The following IFT74 variants were observed in gnomAD, a reference collection of about 807,000 sequenced individuals.
The protein encoded by IFT74 is intraflagellar transport protein 74 homolog.
IFT74 carries 92 observed loss-of-function variants against 96.7 expected under a neutral mutation model. That is an observed-to-expected ratio of 0.95 (90% confidence interval 0.80 to 1.13). IFT74 has a LOEUF of 1.13. Ranked by LOEUF, IFT74 falls within the 50% of genes most tolerant of loss-of-function variation. The probability of loss-of-function intolerance (pLI) is 0.00; values close to 1 mark genes in which losing one functional copy is unlikely to be tolerated. For missense variants in IFT74, 811 were observed against 698.2 expected (o/e 1.16, Z -1.82); for synonymous variants, 223 against 213.2 (o/e 1.05, Z -0.40).
At position 26,968,833 on chromosome 9, in the gene IFT74, T is replaced by G. The variant is rs115481669; in HGVS notation, c.120+6746T>G. ...TTCATTAGTTAGTCTGGCTAAAAGT[T>G]TGTTGATTTTGTTTATCTTTTCAAA... On this transcript the variant is annotated intron_variant, in intron 2 of 19. Coordinates refer to ENST00000380062, the MANE Select transcript of IFT74 (RefSeq NM_025103.4). 2.4e-3 allele frequency among the ~76,000 whole-genome samples: 370 copies of G among 152,246 alleles called. 1 individual carries two copies. The highest frequency in any genetic ancestry group is 7.7e-3 in the African/African-American group (320 of 41,570).
chr9:26,953,841 C>T (rs1030585656), upstream of IFT74, among the ~76,000 whole-genome samples: 1 of 152,166 alleles, frequency 6.6e-6, no homozygotes, highest in Non-Finnish European at 1.5e-5. Flanking sequence ...AACCTACAAA[C>T]ATCCTACAAA....
At chr9:27,040,398 A>G (rs1819418588) in intron 13 of IFT74, among the ~76,000 whole-genome samples, 1 of 152,028 alleles carries the variant, frequency 6.6e-6, no homozygotes, top group Admixed American at 6.6e-5. Context: ...TAAAAACAAA[A>G]ATTAGCTGGG....
intron 10 of IFT74, among the ~76,000 whole-genome samples, chr9:27,012,842 G>C (rs960267462): frequency 4.0e-5 from 6 of 148,644 alleles, no homozygotes; most frequent in African/African-American, 1.5e-4. Context: ...TCAGCCTCCA[G>C]AGTAGCTGGG....
chr9:26,995,583 C>G (rs1441434523), intron 8 of IFT74: 2 of 1,601,360 alleles, frequency 1.2e-6, no homozygotes, highest in African/African-American at 1.3e-5. Context: ...CCATCATCAT[C>G]TACCACAAAT....
At chr9:27,006,662 G>GGGGAAGGAGGAGGAGGAGGAA (rs1828796328) in intron 8 of IFT74, among the ~76,000 whole-genome samples, 1 of 148,600 alleles carries the variant, frequency 6.7e-6, no homozygotes, top group Non-Finnish European at 1.5e-5. Flanking sequence ...AGGAGGGGGA[G>GGGGAAGGAGGAGGAGGAGGAA]GGGAAGGAGG....
At position 27,016,923 on chromosome 9, in the gene IFT74, A is replaced by C. The variant is rs758690046; in HGVS notation, c.806A>C (p.Gln269Pro). The change falls in exon 11 of 20, where the codon CAG becomes CCG. Residue 269 changes from glutamine to proline, a missense_variant. By Grantham distance (76) the Gln-to-Pro change is moderately conservative (BLOSUM62 -1). Coordinates refer to ENST00000380062, the MANE Select transcript of IFT74 (RefSeq NM_025103.4). The stretch of plus-strand genomic sequence containing the variant: ...TTCCTTTAGGAAATAGCTCACTCCC[A>C]GGTGAAACAGGAGGCGGTATTGCTG... ...ESLEAEIAHS[Q>P]VKQEAVLLHE... The C allele has an allele frequency of 6.2e-7, 1 of 1,605,566 alleles. No individual in the cohort carries two copies. Among genetic ancestry groups the C allele is most frequent in the Admixed American group, 1.7e-5 (1 of 58,604 alleles).
chr9:27,046,188 T>C (rs1819696441), intron 14 of IFT74, among the ~76,000 whole-genome samples: 2 of 152,198 alleles, frequency 1.3e-5, no homozygotes, highest in South Asian at 4.1e-4. Flanking sequence ...ATCAACAGAT[T>C]ATAGAAGCAG....
At chr9:27,052,655 G>A (rs1819982976) in intron 16 of IFT74, among the ~76,000 whole-genome samples, 2 of 152,086 alleles carry the variant, frequency 1.3e-5, no homozygotes, top group East Asian at 3.9e-4. Context: ...CTTTGTAAGG[G>A]TTAAATTCTT....
At chr9:27,023,849 G>A (rs1587371736) in intron 12 of IFT74, among the ~76,000 whole-genome samples, 1 of 152,092 alleles carries the variant, frequency 6.6e-6, no homozygotes, top group Non-Finnish European at 1.5e-5. Context: ...GCTGAGACAC[G>A]CCTAACCCTG....
chr9:27,006,401 C>G (rs912266704), intron 8 of IFT74, among the ~76,000 whole-genome samples: 2 of 152,026 alleles, frequency 1.3e-5, no homozygotes, highest in African/African-American at 4.8e-5. Context: ...AATTTGAGAC[C>G]AGCCCGGCCA....
chr9:27,008,595 G>A (rs992418378), intron 8 of IFT74, among the ~76,000 whole-genome samples: 1 of 152,036 alleles, frequency 6.6e-6, no homozygotes, highest in Admixed American at 6.6e-5. Flanking sequence ...CCAGACCTCA[G>A]GTGATCCACC....
chr9:26,947,166 C>T lies in IFT74; in HGVS notation c.-20+20C>T, dbSNP rs866369788. Reference sequence around the variant, plus strand: ...CTGCAGGTAAGGGGCGGCCGGAGACCGGAAGAGCCCGAGAGCCGGTACGGA... The same window carrying T: ...CTGCAGGTAAGGGGCGGCCGGAGACTGGAAGAGCCCGAGAGCCGGTACGGA... On this transcript the variant is annotated intron_variant, in intron 1 of 19. Transcript: ENST00000433700. The T allele has an allele frequency of 2.2e-5, 26 of 1,194,950 alleles. No homozygotes were observed. The South Asian group carries it at 4.3e-4, about 20-fold the overall frequency. The allele number at this position is 1,194,950 out of a possible 1,614,324, so 74.0% of individuals were successfully genotyped here.
At chr9:26,962,718 A>T (rs1302816076) in intron 2 of IFT74, among the ~76,000 whole-genome samples, 3 of 152,222 alleles carry the variant, frequency 2.0e-5, no homozygotes, top group Admixed American at 6.5e-5. Context: ...AATGTTGGCA[A>T]GTATTCTGTA....
In IFT74 at chr9:27,062,871, CT is replaced by C; in HGVS notation, c.*139del. 1 of 597,336 alleles carries C rather than the reference CT, an allele frequency of 1.7e-6. No homozygotes were observed. The allele number at this position is 597,336 out of a possible 1,614,324, so 37.0% of individuals were successfully genotyped here. A position where few individuals can be genotyped will look rare whatever the true frequency, so the allele number is the denominator to read the frequency against. On this transcript the variant is annotated 3_prime_UTR_variant, in exon 20 of 20. Coordinates refer to ENST00000380062, the MANE Select transcript of IFT74 (RefSeq NM_025103.4). Reference sequence around the variant, plus strand: ...CTGAATGTTATAATTTTTGTGGCCTCTTTTAAGAATGATATTTTAAAATAGT... The same window carrying C: ...CTGAATGTTATAATTTTTGTGGCCTCTTTAAGAATGATATTTTAAAATAGT...
chr9:26,999,635 G>A, intron 8 of IFT74: 3 of 1,606,748 alleles, frequency 1.9e-6, no homozygotes, highest in Non-Finnish European at 2.6e-6. Flanking sequence ...ACTGGATTTT[G>A]TCTGATAATA....
chr9:26,989,388 C>T (rs906385591), intron 7 of IFT74, among the ~76,000 whole-genome samples: 2 of 152,002 alleles, frequency 1.3e-5, no homozygotes, highest in Non-Finnish European at 2.9e-5. Flanking sequence ...ATTCAATGTT[C>T]TTAGATTAAT....
At chr9:26,952,836 T>C (rs1286543713), upstream of IFT74, among the ~76,000 whole-genome samples, 1 of 152,220 alleles carries the variant, frequency 6.6e-6, no homozygotes, top group East Asian at 1.9e-4. Context: ...CCCTGTCATG[T>C]TCACTATTCA....
At chr9:26,968,741 T>C (rs991381367) in intron 2 of IFT74, among the ~76,000 whole-genome samples, 1 of 152,218 alleles carries the variant, frequency 6.6e-6, no homozygotes, top group Non-Finnish European at 1.5e-5. Flanking sequence ...TTTGAGTTTC[T>C]GTTATCAGTT....
intron 16 of IFT74, among the ~76,000 whole-genome samples, chr9:27,052,604 TC>T (rs1819980651): frequency 6.6e-6 from 1 of 151,066 alleles, no homozygotes; most frequent in African/African-American, 2.4e-5. Flanking sequence ...GAGATAAAAA[TC>T]CAGTTTAATA....
Sources: allele counts gnomAD v4.1 joint callset (sites outside exome capture counted in the v4.1 genomes callset), GRCh38; gene constraint gnomAD v4.1.1; transcripts MANE v1.5; gene names NCBI Gene and HGNC (gene_info 2026-07-23, HGNC 2026-07-21).